The following DIP2C variants were observed in gnomAD, a reference collection of about 807,000 sequenced individuals.
The protein encoded by DIP2C is disco-interacting protein 2 homolog C.
In DIP2C, 33 loss-of-function variants were observed where a neutral mutation model predicts 192.4. The observed-to-expected ratio is 0.17, with a 90% confidence interval of 0.13 to 0.23. The LOEUF is 0.23. Among genes scored for constraint, DIP2C ranks in the 10% least tolerant of loss-of-function variants. DIP2C has a pLI of 1.00. For missense variants in DIP2C, 1,537 were observed against 2,110.1 expected (o/e 0.73, Z 5.32); for synonymous variants, 979 against 864.1 (o/e 1.13, Z -2.33).
intron 1 of DIP2C, among the ~76,000 whole-genome samples, chr10:553,164 G>A (rs1432371391): frequency 6.6e-6 from 1 of 152,188 alleles, no homozygotes; most frequent in Non-Finnish European, 1.5e-5. Context: ...TCCCCACATG[G>A]GCACTGGGGC....
intron 1 of DIP2C, among the ~76,000 whole-genome samples, chr10:573,333 A>AAT (rs1188814833): frequency 6.6e-6 from 1 of 152,226 alleles, no homozygotes; most frequent in Admixed American, 6.5e-5. Context: ...TTTCAATGCT[A>AAT]ATAAAAGACA....
intron 35 of DIP2C, 116 bp from the exon 36 acceptor site, chr10:281,439 G>A: frequency 3.6e-6 from 5 of 1,386,886 alleles, no homozygotes; most frequent in Non-Finnish European, 4.8e-6. Context: ...TGCAAAGGAA[G>A]GGGCTCACGG....
intron 3 of DIP2C, among the ~76,000 whole-genome samples, chr10:465,134 C>A (rs1361517437): frequency 8.4e-6 from 1 of 119,076 alleles, no homozygotes; most frequent in African/African-American, 3.3e-5. Flanking sequence ...TGCAAAAATC[C>A]TCAATAAAAT....
chr10:493,900 C>T (rs902918655), intron 1 of DIP2C, among the ~76,000 whole-genome samples: 4 of 152,246 alleles, frequency 2.6e-5, no homozygotes, highest in African/African-American at 7.2e-5. Flanking sequence ...ACAAAGTCAT[C>T]GTGCAGAACC....
chr10:524,860 T>A (rs1395939977), intron 1 of DIP2C, among the ~76,000 whole-genome samples: 1 of 151,466 alleles, frequency 6.6e-6, no homozygotes, highest in Admixed American at 6.6e-5. Context: ...TAAAGCGTAA[T>A]GATGTCCACC....
At chr10:405,578 T>C (rs1964743990) in intron 9 of DIP2C, among the ~76,000 whole-genome samples, 3 of 152,220 alleles carry the variant, frequency 2.0e-5, no homozygotes, top group Admixed American at 2.0e-4. Context: ...AGTATTTGAA[T>C]CAGTCACAAA....
chr10:684,784 G>A (rs1423770723), intron 1 of DIP2C, among the ~76,000 whole-genome samples: 1 of 152,184 alleles, frequency 6.6e-6, no homozygotes, highest in Non-Finnish European at 1.5e-5. Flanking sequence ...ACAGCAACGT[G>A]CAGGCTGTGT....
intron 1 of DIP2C, among the ~76,000 whole-genome samples, chr10:688,471 C>A (rs1415943862): frequency 6.6e-6 from 1 of 152,198 alleles, no homozygotes; most frequent in Non-Finnish European, 1.5e-5. Context: ...AATGAGTTTA[C>A]TTTCTGGCTG....
At chr10:614,144 G>T (rs1853285780) in intron 1 of DIP2C, among the ~76,000 whole-genome samples, 1 of 152,214 alleles carries the variant, frequency 6.6e-6, no homozygotes. Context: ...ATGCACACAT[G>T]GAGGCATGTC....
At chr10:335,494 G>A (rs1397471124) in intron 29 of DIP2C, among the ~76,000 whole-genome samples, 1 of 152,230 alleles carries the variant, frequency 6.6e-6, no homozygotes, top group Non-Finnish European at 1.5e-5. Context: ...GCAAGAAAGT[G>A]GTCGGCTCTC....
intron 32 of DIP2C, among the ~76,000 whole-genome samples, chr10:291,583 CAT>C (rs1416013475): frequency 3.9e-5 from 6 of 152,190 alleles, no homozygotes; most frequent in Non-Finnish European, 7.4e-5. Context: ...GCAAAGAACT[CAT>C]AGAAATGAAA....
At chr10:686,189 C>A (rs1339503586) in intron 1 of DIP2C, among the ~76,000 whole-genome samples, 1 of 152,154 alleles carries the variant, frequency 6.6e-6, no homozygotes, top group East Asian at 1.9e-4. Flanking sequence ...CCGCCACAGC[C>A]CTCTCATTCC....
chr10:606,751 T>TA (rs1852514924), intron 1 of DIP2C, among the ~76,000 whole-genome samples: 1 of 152,194 alleles, frequency 6.6e-6, no homozygotes, highest in African/African-American at 2.4e-5. Context: ...AAACCCCTCT[T>TA]AAAGAACGTT....
At chr10:632,950 C>T (rs1462499245) in intron 1 of DIP2C, among the ~76,000 whole-genome samples, 2 of 151,772 alleles carry the variant, frequency 1.3e-5, no homozygotes, top group East Asian at 3.9e-4. Context: ...ACTCCACGGC[C>T]AGCACCGTAA....
intron 22 of DIP2C, among the ~76,000 whole-genome samples, chr10:358,509 G>A (rs1367264251): frequency 3.6e-5 from 5 of 137,474 alleles, no homozygotes; most frequent in African/African-American, 1.4e-4. Context: ...ACAGTGAGGT[G>A]TGGAAGAATA....
chr10:658,907 C>T (rs1009748660), intron 1 of DIP2C, among the ~76,000 whole-genome samples: 2 of 152,186 alleles, frequency 1.3e-5, no homozygotes, highest in African/African-American at 4.8e-5. Flanking sequence ...CATGGCCCTC[C>T]CAGAGAGGAC....
intron 1 of DIP2C, among the ~76,000 whole-genome samples, chr10:520,291 C>CCA (rs1389040956): frequency 6.6e-6 from 1 of 152,138 alleles, no homozygotes; most frequent in Non-Finnish European, 1.5e-5. Context: ...ACATCAGACG[C>CCA]CACAAAGTCA....
chr10:447,729 T>C (rs1968393509), intron 3 of DIP2C, among the ~76,000 whole-genome samples: 1 of 111,838 alleles, frequency 8.9e-6, no homozygotes, highest in Non-Finnish European at 1.7e-5. Context: ...CCACTGATGC[T>C]CAGGATCACA....
At chr10:608,051 G>A (rs1459288080) in intron 1 of DIP2C, among the ~76,000 whole-genome samples, 1 of 150,880 alleles carries the variant, frequency 6.6e-6, no homozygotes, top group Non-Finnish European at 1.5e-5. Context: ...ATGCACAAAT[G>A]TTCATCAGCA....
Sources: allele counts gnomAD v4.1 joint callset (sites outside exome capture counted in the v4.1 genomes callset), GRCh38; gene constraint gnomAD v4.1.1; transcripts MANE v1.5; gene names NCBI Gene and HGNC (gene_info 2026-07-23, HGNC 2026-07-21).